ZNF562: variants seen among roughly 807,000 people sequenced by gnomAD.
The protein encoded by ZNF562 is zinc finger protein 562.
Under a neutral mutation model 17.5 loss-of-function variants are expected in ZNF562, and 13 were observed. The ratio of observed to expected loss-of-function variants is 0.74; its 90% CI spans 0.48 to 1.18. The LOEUF is 1.18. ZNF562 is among the 50% of genes most tolerant of loss of function. The pLI, the probability that ZNF562 is intolerant of heterozygous loss-of-function variation, is 0.00. For synonymous variants in ZNF562, 163 were observed against 165.4 expected (o/e 0.99, Z 0.11); for missense variants, 481 against 498.5 (o/e 0.96, Z 0.33).
intron 1 of ZNF562, among the ~76,000 whole-genome samples, chr19:9,670,922 G>A (rs569923035): frequency 5.9e-5 from 9 of 151,806 alleles, no homozygotes; most frequent in East Asian, 5.8e-4. Context: ...ACTTGAATCC[G>A]GGAGGAGGCA....
chr19:9,657,104 T>A (rs997864662), intron 4 of ZNF562, among the ~76,000 whole-genome samples: 1 of 149,686 alleles, frequency 6.7e-6, no homozygotes, highest in Non-Finnish European at 1.5e-5. Flanking sequence ...AAAATTTGGC[T>A]ATAAGGATGT....
chr19:9,673,789 T>G (rs370578749), intron 1 of ZNF562, among the ~76,000 whole-genome samples: 1 of 152,110 alleles, frequency 6.6e-6, no homozygotes, highest in Admixed American at 6.6e-5. Flanking sequence ...GTGGATCACT[T>G]GAGGTCAGGA....
At chr19:9,668,788 G>T (rs2044042860) in intron 1 of ZNF562, among the ~76,000 whole-genome samples, 3 of 151,554 alleles carry the variant, frequency 2.0e-5, no homozygotes, top group South Asian at 4.2e-4. Flanking sequence ...ATCAATGGAA[G>T]AGAACAAAGA....
chr19:9,669,726 G>A (rs1418586683), intron 1 of ZNF562, among the ~76,000 whole-genome samples: 2,507 of 84,912 alleles, frequency 0.03, 53 homozygotes, highest in African/African-American at 0.089. Flanking sequence ...GAGCGCGCGC[G>A]CGCGCGCGCA....
intron 2 of ZNF562, among the ~76,000 whole-genome samples, chr19:9,660,088 C>CAAAAAA (rs1175978470): frequency 2.1e-5 from 1 of 48,286 alleles, no homozygotes; most frequent in African/African-American, 6.5e-5. Context: ...GACTCCATCT[C>CAAAAAA]AAAAAAAAAA....
intron 1 of ZNF562, among the ~76,000 whole-genome samples, chr19:9,668,647 A>G (rs2044038430): frequency 6.6e-6 from 1 of 152,212 alleles, no homozygotes; most frequent in African/African-American, 2.4e-5. Flanking sequence ...AAGACTTCAA[A>G]CAGCCAAAGA....
chr19:9,663,855 A>T (rs968856371), intron 1 of ZNF562, among the ~76,000 whole-genome samples: 1 of 151,588 alleles, frequency 6.6e-6, no homozygotes, highest in Non-Finnish European at 1.5e-5. Flanking sequence ...AGTTCAAGTG[A>T]TTCTCCTGCC....
chr19:9,672,227 C>A (rs1453152383), intron 1 of ZNF562, among the ~76,000 whole-genome samples: 1 of 152,158 alleles, frequency 6.6e-6, no homozygotes, highest in African/African-American at 2.4e-5. Flanking sequence ...CACCCAAGAG[C>A]ATACGTTGAA....
rs2043482444 is a variant in ZNF562, at chr19:9,656,337, G to A, written c.348+210C>T. Among the ~76,000 whole-genome samples the A allele has an allele frequency of 2.0e-5, 3 of 151,310 alleles. No individual in the cohort carries two copies. In the South Asian group the frequency reaches 6.3e-4, roughly 32 times the overall value. ...ATCCTGGCTAACATAGTGAAACCCT[G>A]TCTCTACTATAAATACAATAAATTA... On this transcript the variant is annotated intron_variant, in intron 5 of 5. Transcript: ENST00000453372.
At chr19:9,673,939 T>C (rs1465328606) in intron 1 of ZNF562, among the ~76,000 whole-genome samples, 3 of 151,798 alleles carry the variant, frequency 2.0e-5, no homozygotes, top group African/African-American at 4.8e-5. Context: ...AAAGTTTTCA[T>C]GCCACAAAAA....
chr19:9,655,985 T>C (rs2043467608), intron 5 of ZNF562, among the ~76,000 whole-genome samples: 1 of 151,982 alleles, frequency 6.6e-6, no homozygotes, highest in Non-Finnish European at 1.5e-5. Flanking sequence ...CACCTATCTT[T>C]GCCTCCTAAA....
In ZNF562 at chr19:9,646,476, CTATA is replaced by C. The variant is rs559522645; in HGVS notation, c.*6469_*6472del. Reference sequence around the variant, plus strand: ...GTAGAGGAAAATCAAGCTGATGTAACTATATAAATATCTAACAGAATTAGTGGAA... The same window carrying C: ...GTAGAGGAAAATCAAGCTGATGTAACTAAATATCTAACAGAATTAGTGGAA... On this transcript the variant is annotated 3_prime_UTR_variant, in exon 6 of 6. Coordinates refer to ENST00000453372, the MANE Select transcript of ZNF562 (RefSeq NM_001130031.2). 11 of 152,054 alleles carry C rather than the reference CTATA, an allele frequency of 7.2e-5. No individual in the cohort carries two copies. Among genetic ancestry groups the C allele is most frequent in the Non-Finnish European group, 1.5e-4 (10 of 68,016 alleles). 9.4% of individuals were successfully genotyped at this position (152,054 alleles called of 1,614,324 possible). A position where few individuals can be genotyped will look rare whatever the true frequency, so the allele number is the denominator to read the frequency against.
chr19:9,669,732 G>GCACACACACA (rs1276865026), intron 1 of ZNF562, among the ~76,000 whole-genome samples: 472 of 76,728 alleles, frequency 6.2e-3, no homozygotes, highest in African/African-American at 7.4e-3. Flanking sequence ...GCGCGCGCGC[G>GCACACACACA]CGCACACACA....
chr19:9,673,715 C>T (rs879787366), intron 1 of ZNF562, among the ~76,000 whole-genome samples: 5 of 152,252 alleles, frequency 3.3e-5, no homozygotes, highest in Middle Eastern at 3.4e-3. Context: ...CATACAAAAA[C>T]GGGCACACCC....
At chr19:9,662,380 C>A (rs1599298561) in intron 1 of ZNF562, among the ~76,000 whole-genome samples, 2 of 151,904 alleles carry the variant, frequency 1.3e-5, no homozygotes, top group East Asian at 3.9e-4. Context: ...TCAAGACCAG[C>A]CTGGCCATCA....
At chr19:9,654,724 G>A (rs2043394802) in intron 5 of ZNF562, among the ~76,000 whole-genome samples, 2 of 152,092 alleles carry the variant, frequency 1.3e-5, no homozygotes, top group Admixed American at 1.3e-4. Context: ...TGGAATTACA[G>A]GCATGAGGCA....
intron 1 of ZNF562, among the ~76,000 whole-genome samples, chr19:9,663,416 A>G (rs1331315548): frequency 6.6e-6 from 1 of 151,594 alleles, no homozygotes; most frequent in Non-Finnish European, 1.5e-5. Flanking sequence ...TCTCAAAAAA[A>G]AAAAAAAAAG....
In ZNF562 at chr19:9,655,717, CTTTTTTTTTTTTTTTT is replaced by C. The variant is rs58199071; in HGVS notation, c.348+814_348+829del. On this transcript the variant is annotated intron_variant, in intron 5 of 5. Coordinates refer to ENST00000453372, the MANE Select transcript of ZNF562 (RefSeq NM_001130031.2). ...TTACAGGATTCACTTTCTTTTCTTT[CTTTTTTTTTTTTTTTT>C]TTTTTTTTTTTTTTTTTTTAGATGG... 2.4e-3 allele frequency among the ~76,000 whole-genome samples: 119 copies of C among 48,706 alleles called. No homozygotes were observed. In the East Asian group the frequency reaches 0.055, roughly 22 times the overall value. The allele number at this position is 48,706 out of a possible 152,430, so 32.0% of individuals were successfully genotyped here. A position where few individuals can be genotyped will look rare whatever the true frequency, so the allele number is the denominator to read the frequency against.
rs997202195 is a variant in ZNF562 at position 9,652,175 on chromosome 19, A to G, written c.*774T>C. 6.6e-6 allele frequency: 1 copy of G among 152,262 alleles called. No individual in the cohort carries two copies. The highest frequency in any genetic ancestry group is 2.4e-5 in the African/African-American group (1 of 41,462). 9.4% of individuals were successfully genotyped at this position (152,262 alleles called of 1,614,324 possible). A position where few individuals can be genotyped will look rare whatever the true frequency, so the allele number is the denominator to read the frequency against. ...GAGACTGGATTATACTATAAGAGAC[A>G]CTGCCACTTACATTGTGCCACCTAA... On this transcript the variant is annotated 3_prime_UTR_variant, in exon 6 of 6. Coordinates refer to ENST00000453372, the MANE Select transcript of ZNF562 (RefSeq NM_001130031.2).
Sources: allele counts gnomAD v4.1 joint callset (sites outside exome capture counted in the v4.1 genomes callset), GRCh38; gene constraint gnomAD v4.1.1; transcripts MANE v1.5; gene names NCBI Gene and HGNC (gene_info 2026-07-23, HGNC 2026-07-21).